The following TBC1D19 variants were observed in gnomAD, a reference collection of about 807,000 sequenced individuals.
The protein encoded by TBC1D19 is TBC1 domain family, member 19.
A neutral mutation model predicts 89.0 loss-of-function variants in TBC1D19; 60 were observed. That is an observed-to-expected ratio of 0.67 (90% CI 0.55 to 0.84). TBC1D19 has a LOEUF of 0.84. Among genes scored for constraint, TBC1D19 ranks in the 40% least tolerant of loss-of-function variants. The pLI is 0.00. For synonymous variants in TBC1D19, 189 were observed against 199.7 expected (o/e 0.95, Z 0.45); for missense variants, 500 against 610.8 (o/e 0.82, Z 1.91).
At chr4:26,813,081 G>A in the TBC1D19 span, among the ~76,000 whole-genome samples, 1 of 151,914 alleles carries the variant, frequency 6.6e-6, no homozygotes, top group Non-Finnish European at 1.5e-5. Context: ...TTAGCCAGGT[G>A]TGGTGGCTCA....
chr4:26,591,054 T>C (rs753577814), intron 1 of TBC1D19, among the ~76,000 whole-genome samples: 1 of 126,034 alleles, frequency 7.9e-6, no homozygotes, highest in Admixed American at 9.6e-5. Flanking sequence ...GTGGCTTACC[T>C]GCTCATTCCT....
the TBC1D19 span, among the ~76,000 whole-genome samples, chr4:26,847,183 T>C: frequency 6.6e-6 from 1 of 152,218 alleles, no homozygotes; most frequent in East Asian, 1.9e-4. Context: ...CCTCAGGGGA[T>C]AAAATGCCTA....
At chr4:26,720,805 C>T (rs1716924566) in intron 15 of TBC1D19, among the ~76,000 whole-genome samples, 1 of 152,070 alleles carries the variant, frequency 6.6e-6, no homozygotes, top group African/African-American at 2.4e-5. Context: ...ATCCTATGAC[C>T]TTAAGTAAGT....
At chr4:26,784,469 G>T in the TBC1D19 span, among the ~76,000 whole-genome samples, 3 of 152,178 alleles carry the variant, frequency 2.0e-5, no homozygotes, top group African/African-American at 4.8e-5. Flanking sequence ...CAGGAGCCCT[G>T]GAGCCCAACC....
chr4:26,711,803 C>G (rs947723196), intron 13 of TBC1D19, among the ~76,000 whole-genome samples: 2 of 152,030 alleles, frequency 1.3e-5, no homozygotes, highest in Non-Finnish European at 2.9e-5. Flanking sequence ...ATTGAACTGT[C>G]ATTTCCATAC....
At chr4:26,818,982 T>C in the TBC1D19 span, among the ~76,000 whole-genome samples, 1 of 152,208 alleles carries the variant, frequency 6.6e-6, no homozygotes, top group African/African-American at 2.4e-5. Flanking sequence ...GCTTAGCTTA[T>C]TTGTGCAAAC....
chr4:26,657,327 C>G (rs1276350432), intron 7 of TBC1D19, among the ~76,000 whole-genome samples: 1 of 151,970 alleles, frequency 6.6e-6, no homozygotes, highest in African/African-American at 2.4e-5. Flanking sequence ...TGAGTGAGAA[C>G]ATACAGTGTT....
chr4:26,620,658 A>G lies in TBC1D19; in HGVS notation c.264A>G (p.Lys88=). Residue 88 remains lysine, a synonymous_variant, in exon 4 of 21, where the codon AAA becomes AAG. Coordinates refer to ENST00000264866, the MANE Select transcript of TBC1D19 (RefSeq NM_018317.4). ...CTGCTGCACCTCCTGAACATCTTAA[A>G]GAACCTTTGGTATACATGAGGAAAG... ...SHPAAPPEHL[K]EPLVYMRKAQ... is the part of the protein sequence containing the mutation. 1 of 1,613,766 alleles carries G rather than the reference A, an allele frequency of 6.2e-7. No individual in the cohort carries two copies. Among genetic ancestry groups the G allele is most frequent in the Non-Finnish European group, 8.5e-7 (1 of 1,179,882 alleles).
At chr4:26,802,569 TCCA>T in the TBC1D19 span, among the ~76,000 whole-genome samples, 2 of 151,854 alleles carry the variant, frequency 1.3e-5, no homozygotes, top group Non-Finnish European at 1.5e-5. Context: ...ACCACTGCAC[TCCA>T]GCCTGGGCAA....
At chr4:26,811,552 G>A in the TBC1D19 span, among the ~76,000 whole-genome samples, 22 of 152,328 alleles carry the variant, frequency 1.4e-4, no homozygotes, top group Middle Eastern at 3.4e-3. Context: ...CCCCTAGAGA[G>A]GGTTCTTGGA....
chr4:26,775,915 C>T, the TBC1D19 span, among the ~76,000 whole-genome samples: 1 of 152,098 alleles, frequency 6.6e-6, no homozygotes, highest in Non-Finnish European at 1.5e-5. Flanking sequence ...TTATGGGTTT[C>T]ATTCCCATGC....
At chr4:26,798,454 A>AGG in the TBC1D19 span, among the ~76,000 whole-genome samples, 2 of 152,194 alleles carry the variant, frequency 1.3e-5, no homozygotes, top group Non-Finnish European at 2.9e-5. Context: ...TGATGATGGG[A>AGG]ATGTAAATTA....
At chr4:26,696,517 A>G (rs1714798013) in intron 13 of TBC1D19, among the ~76,000 whole-genome samples, 1 of 152,208 alleles carries the variant, frequency 6.6e-6, no homozygotes, top group Non-Finnish European at 1.5e-5. Context: ...CCTAACAGAC[A>G]TCTGCAGAAC....
In TBC1D19 at chr4:26,735,523, A is replaced by G. The variant is rs778702596; in HGVS notation, c.1117+36A>G. 14 of 1,512,588 alleles carry G rather than the reference A, an allele frequency of 9.3e-6. No homozygotes were observed. In the South Asian group the frequency reaches 1.7e-4, roughly 19 times the overall value. 93.7% of individuals were successfully genotyped at this position (1,512,588 alleles called of 1,614,324 possible). A position where few individuals can be genotyped will look rare whatever the true frequency, so the allele number is the denominator to read the frequency against. ...CTTTAAAAACATCATAATGTACACA[A>G]AACATACAATGTTATCTGTCAATTT... On this transcript the variant is annotated intron_variant, in intron 16 of 20. Coordinates refer to ENST00000264866, the MANE Select transcript of TBC1D19 (RefSeq NM_018317.4).
chr4:26,599,950 C>CAAAAAAAAAAAAAAA (rs36092049), intron 1 of TBC1D19, among the ~76,000 whole-genome samples: 1 of 72,782 alleles, frequency 1.4e-5, no homozygotes, highest in Non-Finnish European at 2.4e-5. Context: ...TCTGTCTCTC[C>CAAAAAAAAAAAAAAA]AAAAAAAAAA....
At chr4:26,625,590 A>G (rs773809705) in intron 4 of TBC1D19, among the ~76,000 whole-genome samples, 16 of 152,182 alleles carry the variant, frequency 1.1e-4, no homozygotes, top group Non-Finnish European at 2.2e-4. Context: ...GATCTCATCC[A>G]GGACACTACA....
the TBC1D19 span, among the ~76,000 whole-genome samples, chr4:26,853,431 TA>T: frequency 1.3e-5 from 2 of 152,230 alleles, no homozygotes; most frequent in African/African-American, 4.8e-5. Flanking sequence ...AATTAGAATA[TA>T]AAATTCCATC....
At chr4:26,663,749 A>G in intron 8 of TBC1D19, among the ~76,000 whole-genome samples, 1 of 152,298 alleles carries the variant, frequency 6.6e-6, no homozygotes, top group East Asian at 1.9e-4. Flanking sequence ...GCCTGGCAAT[A>G]TAATGATTCT....
chr4:26,727,353 A>C (rs890266543), intron 15 of TBC1D19, among the ~76,000 whole-genome samples: 2 of 152,224 alleles, frequency 1.3e-5, no homozygotes, highest in African/African-American at 4.8e-5. Flanking sequence ...CTCGTCCTTC[A>C]ACAAAGCGGA....
Sources: gnomAD v4.1 joint callset for allele counts (sites outside exome capture counted in the v4.1 genomes callset) on GRCh38, gnomAD v4.1.1 for gene constraint, MANE v1.5 for transcripts, NCBI Gene and HGNC (gene_info 2026-07-23, HGNC 2026-07-21) for gene names.